The following IL4R variants were observed in gnomAD, a reference collection of about 807,000 sequenced individuals.
The protein encoded by IL4R is interleukin-4 receptor subunit alpha.
Under a neutral mutation model 41.5 loss-of-function variants are expected in IL4R, and 17 were observed. That is an observed-to-expected ratio of 0.41 (90% CI 0.28 to 0.61). The LOEUF (loss-of-function observed/expected upper bound fraction) is 0.61, where lower values mean the gene tolerates loss of function less well. Ranked by LOEUF, IL4R falls within the 20% of genes least tolerant of loss-of-function variation. The probability of loss-of-function intolerance (pLI) is 0.31; values close to 1 mark genes in which losing one functional copy is unlikely to be tolerated. For missense variants in IL4R, 974 were observed against 1,043.1 expected (o/e 0.93, Z 0.91); for synonymous variants, 402 against 422.9 (o/e 0.95, Z 0.61).
intron 10 of IL4R, among the ~76,000 whole-genome samples, chr16:27,361,264 G>A (rs1486793711): frequency 6.6e-6 from 1 of 151,614 alleles, no homozygotes; most frequent in African/African-American, 2.4e-5. Context: ...TTAGCCTCCC[G>A]AGTAGCTGAT....
intron 1 of IL4R, among the ~76,000 whole-genome samples, chr16:27,324,736 G>C (rs910753798): frequency 6.6e-6 from 1 of 152,206 alleles, no homozygotes; most frequent in Non-Finnish European, 1.5e-5. Context: ...AGACAGGCCT[G>C]GCTTCCAGGA....
chr16:27,331,922 C>T (rs1009711832), intron 2 of IL4R, among the ~76,000 whole-genome samples: 19 of 152,120 alleles, frequency 1.2e-4, no homozygotes, highest in African/African-American at 4.1e-4. Flanking sequence ...TTTACATCTT[C>T]TTGGAGAATT....
rs141734322 is a variant in IL4R, at chr16:27,315,168, C to G, written c.-152+1148C>G. 8.3e-4 allele frequency among the ~76,000 whole-genome samples: 126 copies of G among 152,246 alleles called. 2 individuals are homozygous for G. Among genetic ancestry groups the G allele is most frequent in the African/African-American group, 2.7e-3 (111 of 41,540 alleles). ...TGCCCCCAGTAGCCTATGAGGAGCC[C>G]AAGGCATTTGCTGGGACCTCAGTGC... On this transcript the variant is annotated intron_variant, in intron 1 of 10. Transcript: ENST00000395762.
intron 6 of IL4R, 116 bp downstream of exon 6, chr16:27,346,734 C>A: frequency 8.8e-7 from 1 of 1,136,926 alleles, no homozygotes; most frequent in Non-Finnish European, 1.3e-6. Context: ...GGCTGGATAG[C>A]AAATCCCAGG....
chr16:27,343,751 A>C (rs982888961), intron 4 of IL4R, among the ~76,000 whole-genome samples: 5 of 152,200 alleles, frequency 3.3e-5, no homozygotes, highest in African/African-American at 1.2e-4. Flanking sequence ...TAATTGAAAT[A>C]ATTCAGAAAT....
At chr16:27,346,414 G>C in intron 5 of IL4R, 53 bp from the exon 6 acceptor site, 2 of 1,601,674 alleles carry the variant, frequency 1.2e-6, no homozygotes, top group East Asian at 4.5e-5. Flanking sequence ...GCTGGGCTGG[G>C]TGATGGGGGA....
chr16:27,316,930 GTC>G (rs890043464), intron 1 of IL4R, among the ~76,000 whole-genome samples: 2 of 143,200 alleles, frequency 1.4e-5, no homozygotes, highest in African/African-American at 5.2e-5. Context: ...TAGAGCCATG[GTC>G]TCTCTCTATT....
At chr16:27,330,433 C>T (rs1194672557) in intron 2 of IL4R, among the ~76,000 whole-genome samples, 1 of 151,502 alleles carries the variant, frequency 6.6e-6, no homozygotes, top group Non-Finnish European at 1.5e-5. Flanking sequence ...CACAGAGAGA[C>T]CCCTGCTTCT....
chr16:27,341,106 T>C (rs1460471582), intron 3 of IL4R: 1 of 688,040 alleles, frequency 1.5e-6, no homozygotes, highest in East Asian at 2.7e-5. Flanking sequence ...AGGAAGAGGG[T>C]GGAAGCCAGG....
chr16:27,353,339 C>CAATGA (rs1356140591), intron 7 of IL4R, among the ~76,000 whole-genome samples: 1 of 147,504 alleles, frequency 6.8e-6, no homozygotes, highest in Non-Finnish European at 1.5e-5. Context: ...TAAATAAATA[C>CAATGA]AATGAAATAA....
chr16:27,324,811 G>A (rs899282945), intron 1 of IL4R, among the ~76,000 whole-genome samples: 3 of 152,152 alleles, frequency 2.0e-5, no homozygotes, highest in Admixed American at 2.0e-4. Flanking sequence ...GGAGCGCGTG[G>A]TCTTCCCCAG....
chr16:27,335,991 G>A (rs1285606043), intron 2 of IL4R, among the ~76,000 whole-genome samples: 2 of 152,096 alleles, frequency 1.3e-5, no homozygotes, highest in East Asian at 1.9e-4. Flanking sequence ...TTTCTGACAT[G>A]CACACTGAGG....
At chr16:27,324,687 A>G (rs1195750653) in intron 1 of IL4R, among the ~76,000 whole-genome samples, 1 of 152,222 alleles carries the variant, frequency 6.6e-6, no homozygotes, top group Non-Finnish European at 1.5e-5. Flanking sequence ...CAGTTTCCTC[A>G]GGCTCTGTTT....
intron 3 of IL4R, chr16:27,341,212 G>A (rs904471010): frequency 2.3e-5 from 16 of 689,224 alleles, no homozygotes; most frequent in Non-Finnish European, 4.2e-5. Context: ...GTGAAAGACA[G>A]AGAAAGAGAA....
Position 27,363,777 on chromosome 16 carries a change from C to T in IL4R, c.2425C>T (p.Pro809Ser), listed in dbSNP as rs1200865336. Residue 809 changes from proline (P) to serine (S), a missense_variant, in exon 11 of 11, where the codon CCC (proline) becomes TCC (serine). This residue lies in a region of IL4R where 682 missense variants were observed against 704.3 expected (regional missense o/e 0.97). Coordinates refer to ENST00000395762, the MANE Select transcript of IL4R (RefSeq NM_000418.4). Reference sequence around the variant, plus strand: ...CAATGCTCAGAGCTCAAGCCAGACCCCCAAAATCGTGAACTTTGTCTCCGT... The same window carrying T: ...CAATGCTCAGAGCTCAAGCCAGACCTCCAAAATCGTGAACTTTGTCTCCGT... ...PGNAQSSSQT[P>S]KIVNFVSVGP... 2 of 1,611,042 alleles carry T rather than the reference C, an allele frequency of 1.2e-6. No homozygotes were observed. The highest frequency in any genetic ancestry group is 1.7e-6 in the Non-Finnish European group (2 of 1,180,010).
At chr16:27,336,854 G>A (rs1283572027) in intron 2 of IL4R, among the ~76,000 whole-genome samples, 5 of 151,840 alleles carry the variant, frequency 3.3e-5, no homozygotes, top group African/African-American at 4.8e-5. Context: ...TGAGGCAGGC[G>A]GATCACCTGG....
At chr16:27,354,368 A>G (rs1383540258) in intron 7 of IL4R, among the ~76,000 whole-genome samples, 1 of 152,210 alleles carries the variant, frequency 6.6e-6, no homozygotes, top group South Asian at 2.1e-4. Context: ...ACTGTCTTAC[A>G]TAAAGCAGGA....
rs368223690 is a variant in IL4R, at chr16:27,340,174, C to T, written c.-18-12C>T. 8 of 1,600,540 alleles carry T rather than the reference C, an allele frequency of 5.0e-6. No homozygotes were observed. The African/African-American group carries it at 8.0e-5, about 16-fold the overall frequency. On this transcript the variant is annotated splice_polypyrimidine_tract_variant and intron_variant, in intron 2 of 10. Transcript: ENST00000395762. ...ACAGGTCAGCACTAACCTGCTTCCT[C>T]TCTCTCTGCAGGTGCCTTGGCATCT...
intron 1 of IL4R, among the ~76,000 whole-genome samples, chr16:27,322,191 C>T (rs888345499): frequency 2.8e-4 from 42 of 150,884 alleles, no homozygotes; most frequent in African/African-American, 9.3e-4. Context: ...CCTTTTGAGT[C>T]TGTCAGTTTT....
Sources: gnomAD v4.1 joint callset for allele counts (sites outside exome capture counted in the v4.1 genomes callset) on GRCh38, gnomAD v4.1.1 for gene constraint, gnomAD v4.1.1 regional missense constraint, MANE v1.5 for transcripts, NCBI Gene and HGNC (gene_info 2026-07-23, HGNC 2026-07-21) for gene names.